The following ZBBX variants were observed in gnomAD, a reference collection of about 807,000 sequenced individuals.
The protein encoded by ZBBX is zinc finger B-box domain containing.
ZBBX carries 101 observed loss-of-function variants against 108.5 expected under a neutral mutation model. The observed-to-expected ratio is 0.93, with a 90% CI of 0.79 to 1.10. The LOEUF (loss-of-function observed/expected upper bound fraction) is 1.10. Among genes scored for constraint, ZBBX ranks in the 50% least tolerant of loss-of-function variants. The pLI, the probability that ZBBX is intolerant of heterozygous loss-of-function variation, is 0.00. For synonymous variants in ZBBX, 356 were observed against 323.4 expected (o/e 1.10, Z -1.08); for missense variants, 1,009 against 941.4 (o/e 1.07, Z -0.94).
chr3:167,220,093 G>A, the ZBBX span, among the ~76,000 whole-genome samples: 1 of 151,730 alleles, frequency 6.6e-6, no homozygotes, highest in Non-Finnish European at 1.5e-5. Context: ...TAATGAGTTC[G>A]AAGTTGTAAT....
At chr3:167,228,056 C>G in the ZBBX span, among the ~76,000 whole-genome samples, 1 of 151,624 alleles carries the variant, frequency 6.6e-6, no homozygotes, top group South Asian at 2.1e-4. Context: ...AGTTTCACCC[C>G]AAAAATACCT....
At chr3:167,334,057 T>A in intron 9 of ZBBX, 72 bp from the exon 10 acceptor site, 9 of 986,328 alleles carry the variant, frequency 9.1e-6, no homozygotes, top group Non-Finnish European at 1.1e-5. Flanking sequence ...CATTAACTCA[T>A]ATTTGTGTTA....
At chr3:167,335,529 C>T (rs1739408263) in intron 9 of ZBBX, among the ~76,000 whole-genome samples, 1 of 151,776 alleles carries the variant, frequency 6.6e-6, no homozygotes, top group Non-Finnish European at 1.5e-5. Context: ...GGAAGTAGCT[C>T]TTATTTCTTA....
intron 9 of ZBBX, among the ~76,000 whole-genome samples, chr3:167,338,140 C>A (rs894320108): frequency 6.6e-6 from 1 of 152,112 alleles, no homozygotes; most frequent in Non-Finnish European, 1.5e-5. Context: ...TGATTTACTG[C>A]CAGCATTTCC....
intron 1 of ZBBX, chr3:167,399,714 A>T (rs1442424677): frequency 6.6e-6 from 1 of 152,126 alleles, no homozygotes; most frequent in East Asian, 1.9e-4. Context: ...CCATTTTTTT[A>T]ACTTTTATTT....
chr3:167,242,762 A>G, intron 20 of ZBBX, 119 bp from the exon 21 acceptor site: 1 of 877,002 alleles, frequency 1.1e-6, no homozygotes, highest in Non-Finnish European at 1.6e-6. Context: ...GTCAGCATAG[A>G]TTTTTAATTA....
chr3:167,243,748 CTTTTT>C (rs148483655), intron 20 of ZBBX, among the ~76,000 whole-genome samples: 8 of 70,858 alleles, frequency 1.1e-4, no homozygotes, highest in Admixed American at 5.7e-4. Flanking sequence ...GTGGACTTGA[CTTTTT>C]TTTTTTTTTT....
chr3:167,181,699 C>T, the ZBBX span, among the ~76,000 whole-genome samples: 2 of 152,186 alleles, frequency 1.3e-5, no homozygotes, highest in Non-Finnish European at 2.9e-5. Flanking sequence ...GCTATACACT[C>T]TCCTGGCTCT....
the ZBBX span, among the ~76,000 whole-genome samples, chr3:167,214,813 T>C: frequency 6.6e-6 from 1 of 151,982 alleles, no homozygotes; most frequent in African/African-American, 2.4e-5. Flanking sequence ...GCAATAAAAA[T>C]AGAAGTCAAG....
chr3:167,330,164 G>A lies in ZBBX; in HGVS notation c.688-2048C>T, dbSNP rs1577015207. ...AGCCACTACATAGAATGAGAAGGTT[G>A]TAGGATGTACTTATGTGAATATAAA... On this transcript the variant is annotated intron_variant, in intron 10 of 21. Coordinates refer to ENST00000675490, the MANE Select transcript of ZBBX (RefSeq NM_001199201.2). 2.0e-5 allele frequency among the ~76,000 whole-genome samples: 3 copies of A among 152,140 alleles called. No homozygotes were observed. The South Asian group carries it at 6.2e-4, about 32-fold the overall frequency.
chr3:167,247,911 C>T (rs1376004396), intron 20 of ZBBX, among the ~76,000 whole-genome samples: 1 of 152,186 alleles, frequency 6.6e-6, no homozygotes, highest in Admixed American at 6.5e-5. Context: ...AAAACTCTGC[C>T]CTTACCAGCC....
intron 1 of ZBBX, among the ~76,000 whole-genome samples, chr3:167,405,237 G>C (rs1748547624): frequency 6.6e-6 from 1 of 152,190 alleles, no homozygotes; most frequent in Non-Finnish European, 1.5e-5. Context: ...AGAGATAATT[G>C]CAGTGGTTGT....
chr3:167,234,869 G>A (rs1173916296), downstream of ZBBX, among the ~76,000 whole-genome samples: 2 of 151,742 alleles, frequency 1.3e-5, no homozygotes, highest in Non-Finnish European at 3.0e-5. Flanking sequence ...GATGCAAGAA[G>A]TGTTGTTTAA....
At chr3:167,358,218 C>T (rs2108528816) in intron 8 of ZBBX, among the ~76,000 whole-genome samples, 1 of 151,570 alleles carries the variant, frequency 6.6e-6, no homozygotes, top group Non-Finnish European at 1.5e-5. Context: ...AAAAGAAATC[C>T]TATCATTCCA....
In ZBBX at chr3:167,317,040, G is replaced by A. The variant is rs745685112; in HGVS notation, c.1159C>T (p.Pro387Ser). ...TCGACTATCTTTAGAGATGGTTCAGGTCTCTCTATGTTTAATGTTTCTACT... is the reference window on the plus strand; with the variant it reads ...TCGACTATCTTTAGAGATGGTTCAGATCTCTCTATGTTTAATGTTTCTACT... ...LPVETLNIERPEPSLKIVELD... is the reference protein window; with the variant it reads ...LPVETLNIERSEPSLKIVELD... The change falls in exon 14 of 22, where the codon CCT (proline) becomes TCT (serine). Residue 387 changes from proline (P) to serine (S), a missense_variant. Physicochemically the swap from Pro to Ser is moderately conservative, Grantham distance 74. Transcript: ENST00000675490. 6.2e-7 allele frequency: 1 copy of A among 1,609,806 alleles called. No homozygotes were observed. The highest frequency in any genetic ancestry group is 1.7e-5 in the Admixed American group (1 of 59,560).
chr3:167,354,990 G>A (rs1474812556), intron 8 of ZBBX, among the ~76,000 whole-genome samples: 1 of 151,828 alleles, frequency 6.6e-6, no homozygotes, highest in Non-Finnish European at 1.5e-5. Flanking sequence ...TTGTACAACT[G>A]GCAGAAACAT....
the ZBBX span, among the ~76,000 whole-genome samples, chr3:167,218,296 GGTAAGA>G: frequency 1.3e-5 from 2 of 151,996 alleles, no homozygotes; most frequent in African/African-American, 2.4e-5. Flanking sequence ...AAAACTCACT[GGTAAGA>G]GTAAGTACAC....
chr3:167,377,113 T>C (rs1577127961), intron 2 of ZBBX, among the ~76,000 whole-genome samples: 2 of 152,226 alleles, frequency 1.3e-5, no homozygotes, highest in East Asian at 3.8e-4. Context: ...ATTATTTTTC[T>C]GTCTACAACC....
Position 167,315,829 on chromosome 3 carries a change from T to C in ZBBX, c.1195A>G (p.Thr399Ala). The C allele has an allele frequency of 6.4e-7, 1 of 1,572,950 alleles. No homozygotes were observed. Among genetic ancestry groups the C allele is most frequent in the East Asian group, 2.3e-5 (1 of 44,204 alleles). ...PSLKIVELDD[T>A]YEEEFEEAEN... ...GCTTCTTCAAATTCCTCTTCATAAG[T>C]CTTATTAAATTAATGTTATATAATA... Residue 399 changes from threonine to alanine, a missense_variant and splice_region_variant, in exon 15 of 22, where the codon ACT becomes GCT. Coordinates refer to ENST00000675490, the MANE Select transcript of ZBBX (RefSeq NM_001199201.2).
Sources: gnomAD v4.1 joint callset for allele counts (sites outside exome capture counted in the v4.1 genomes callset) on GRCh38, gnomAD v4.1.1 for gene constraint, MANE v1.5 for transcripts, NCBI Gene and HGNC (gene_info 2026-07-23, HGNC 2026-07-21) for gene names.